DACH1: variants seen among roughly 807,000 people sequenced by gnomAD.
DACH1 encodes the protein dachshund family transcription factor 1.
Under a neutral mutation model 54.2 loss-of-function variants are expected in DACH1, and 12 were observed. The observed-to-expected ratio is 0.22, with a 90% CI of 0.14 to 0.36. The LOEUF is 0.36. Among genes scored for constraint, DACH1 ranks in the 10% least tolerant of loss-of-function variants. The pLI is 1.00. For synonymous variants in DACH1, 386 were observed against 366.2 expected, an observed-to-expected ratio of 1.05 and a Z score of -0.62; for missense variants, 805 against 929.8, an observed-to-expected ratio of 0.87 and a Z score of 1.75.
rs1006642131 is a variant in DACH1, at chr13:71,559,923, G to T, written c.1332C>A (p.Pro444=). ...CAGGCCTTCTCCCCTCCTCCAGAGA[G>T]GGGGCAGGTGAGGGGCTATCAGGAA... ...ERVPDSPSPA[P]SLEEGRRPGS... Residue 444 remains proline (P), a synonymous_variant, in exon 5 of 11, where the codon CCC becomes CCA. Coordinates refer to ENST00000613252, the MANE Select transcript of DACH1 (RefSeq NM_080759.6). 2 of 1,602,898 alleles carry T rather than the reference G, an allele frequency of 1.2e-6. No homozygotes were observed. Among genetic ancestry groups the T allele is most frequent in the African/African-American group, 2.7e-5 (2 of 74,470 alleles).
intron 1 of DACH1, among the ~76,000 whole-genome samples, chr13:71,785,408 C>T (rs1364223876): frequency 6.6e-6 from 1 of 152,168 alleles, no homozygotes; most frequent in Non-Finnish European, 1.5e-5. Context: ...ATACCGTATT[C>T]AAATGTATAT....
chr13:71,482,797 T>G (rs1281490622), intron 7 of DACH1, among the ~76,000 whole-genome samples: 8 of 145,536 alleles, frequency 5.5e-5, no homozygotes, highest in Middle Eastern at 3.5e-3. Flanking sequence ...CTGACAGTTT[T>G]TTTTTTTTTT....
chr13:71,713,934 A>G (rs1484387948), intron 1 of DACH1, among the ~76,000 whole-genome samples: 5 of 152,102 alleles, frequency 3.3e-5, no homozygotes, highest in Non-Finnish European at 5.9e-5. Context: ...CTTATTTTCA[A>G]CTACAATATT....
At chr13:71,756,528 A>G (rs970413437) in intron 1 of DACH1, among the ~76,000 whole-genome samples, 4 of 151,972 alleles carry the variant, frequency 2.6e-5, no homozygotes, top group African/African-American at 9.7e-5. Context: ...AACAATGAAA[A>G]AAAAAAACAT....
At chr13:71,691,184 G>A (rs1439266897) in intron 1 of DACH1, among the ~76,000 whole-genome samples, 2 of 152,076 alleles carry the variant, frequency 1.3e-5, no homozygotes, top group African/African-American at 4.8e-5. Context: ...TGTTAATTTG[G>A]TCCCAATATG....
chr13:71,736,328 G>A (rs897032332), intron 1 of DACH1, among the ~76,000 whole-genome samples: 4 of 152,074 alleles, frequency 2.6e-5, no homozygotes, highest in Non-Finnish European at 1.5e-5. Context: ...GACTTTTTAC[G>A]TATACTGCAG....
At chr13:71,481,262 GATTGGTTGT>G (rs1878006531) in intron 7 of DACH1, among the ~76,000 whole-genome samples, 1 of 152,188 alleles carries the variant, frequency 6.6e-6, no homozygotes, top group Non-Finnish European at 1.5e-5. Flanking sequence ...TTAATGTGTT[GATTGGTTGT>G]ATTATCAGTA....
rs1308750726 is a variant in DACH1, at chr13:71,479,181, G to C, written c.1858C>G (p.Gln620Glu). ...AATTTGGAAATACCTCTATTCTTTT[G>C]TTCCATAGCCAACTGCTTCTCAAGT... Reference protein sequence around the residue: ...ETLEKQLAMEQKNRAIVQKRL... With the variant: ...ETLEKQLAMEEKNRAIVQKRL... The change falls in exon 8 of 11, where the codon CAA becomes GAA. Residue 620 changes from glutamine (Q) to glutamate (E), a missense_variant. By Grantham distance (29) the Gln-to-Glu change is conservative. Transcript: ENST00000613252. The C allele has an allele frequency of 6.2e-7, 1 of 1,610,316 alleles. No homozygotes were observed. The highest frequency in any genetic ancestry group is 1.7e-5 in the Admixed American group (1 of 59,494).
At chr13:71,566,665 T>TA (rs1884911090) in intron 4 of DACH1, among the ~76,000 whole-genome samples, 1 of 152,174 alleles carries the variant, frequency 6.6e-6, no homozygotes. Flanking sequence ...ACATGTGATG[T>TA]ATTTCAAGGC....
intron 1 of DACH1, among the ~76,000 whole-genome samples, chr13:71,683,630 CT>C (rs1422045121): frequency 2.0e-5 from 3 of 152,010 alleles, no homozygotes; most frequent in Non-Finnish European, 4.4e-5. Flanking sequence ...TATTGTCGTG[CT>C]TATTGTTCTT....
intron 1 of DACH1, among the ~76,000 whole-genome samples, chr13:71,718,130 G>A (rs1285041004): frequency 6.6e-6 from 1 of 152,054 alleles, no homozygotes; most frequent in Non-Finnish European, 1.5e-5. Context: ...AGAGCATATG[G>A]TCTCACATGG....
Position 71,675,854 on chromosome 13 carries a change from T to C in DACH1, c.964+5941A>G, listed in dbSNP as rs183503527. Among the ~76,000 whole-genome samples, 1,041 of 152,302 alleles carry C rather than the reference T, an allele frequency of 6.8e-3. 22 individuals carry two copies. Among genetic ancestry groups the C allele is most frequent in the Non-Finnish European group, 6.6e-3 (446 of 68,026 alleles). On this transcript the variant is annotated intron_variant, in intron 2 of 10. Coordinates refer to ENST00000613252, the MANE Select transcript of DACH1 (RefSeq NM_080759.6). ...CTTATTGACGGCAACTAAATGGTGTTTGTAGCATTTTTATCATACAGTAGA... is the reference window on the plus strand; with the variant it reads ...CTTATTGACGGCAACTAAATGGTGTCTGTAGCATTTTTATCATACAGTAGA...
intron 1 of DACH1, among the ~76,000 whole-genome samples, chr13:71,748,680 T>A (rs563561602): frequency 1.3e-5 from 2 of 152,276 alleles, no homozygotes; most frequent in African/African-American, 4.8e-5. Context: ...CTGCTTTTCA[T>A]GTTTTCAAAG....
At chr13:71,510,455 C>T (rs1358078443) in intron 6 of DACH1, among the ~76,000 whole-genome samples, 2 of 151,972 alleles carry the variant, frequency 1.3e-5, no homozygotes, top group Non-Finnish European at 1.5e-5. Context: ...CTCCTCCTAT[C>T]ATTTTGTTAA....
At chr13:71,491,859 A>G (rs1271348269) in intron 6 of DACH1, among the ~76,000 whole-genome samples, 1 of 152,182 alleles carries the variant, frequency 6.6e-6, no homozygotes, top group Non-Finnish European at 1.5e-5. Context: ...TAAATGTTCT[A>G]AGAAGATTAA....
chr13:71,829,719 G>A (rs532567157), intron 1 of DACH1, among the ~76,000 whole-genome samples: 18 of 151,964 alleles, frequency 1.2e-4, no homozygotes, highest in Admixed American at 5.9e-4. Flanking sequence ...TTTGCTTCCC[G>A]GAGAGCAGTA....
intron 1 of DACH1, among the ~76,000 whole-genome samples, chr13:71,819,985 T>C (rs1164117106): frequency 6.6e-6 from 1 of 150,842 alleles, no homozygotes; most frequent in Non-Finnish European, 1.5e-5. Flanking sequence ...AAAAGGACTG[T>C]ATTGGGTGCA....
Position 71,772,999 on chromosome 13 carries a change from C to A in DACH1, c.849-91089G>T, listed in dbSNP as rs985654107. Among the ~76,000 whole-genome samples the A allele has an allele frequency of 2.6e-5, 4 of 151,752 alleles. No homozygotes were observed. The East Asian group carries it at 7.7e-4, about 29-fold the overall frequency. On this transcript the variant is annotated intron_variant, in intron 1 of 10. Transcript: ENST00000613252. Reference sequence around the variant, plus strand: ...ATGCCCACCCAATTACCATTTAATGCTTTATAATGATACTACATAGTACAT... The same window carrying A: ...ATGCCCACCCAATTACCATTTAATGATTTATAATGATACTACATAGTACAT...
At chr13:71,675,448 C>A (rs572117444) in intron 2 of DACH1, 3 of 1,432,850 alleles carry the variant, frequency 2.1e-6, no homozygotes, top group African/African-American at 1.4e-5. Flanking sequence ...CCAGCTAGCA[C>A]GCCGCATACG....
Sources: allele counts gnomAD v4.1 joint callset (sites outside exome capture counted in the v4.1 genomes callset), GRCh38; gene constraint gnomAD v4.1.1; transcripts MANE v1.5; gene names NCBI Gene and HGNC (gene_info 2026-07-23, HGNC 2026-07-21).